The following DDHD1 variants were observed in gnomAD, a reference collection of about 807,000 sequenced individuals.
DDHD1 encodes the protein phospholipase DDHD1.
In DDHD1, 49 loss-of-function variants were observed where a neutral mutation model predicts 96.4. That is an observed-to-expected ratio of 0.51 (90% CI 0.40 to 0.64). The LOEUF is 0.64. Among genes scored for constraint, DDHD1 ranks in the 30% least tolerant of loss-of-function variants. The probability of loss-of-function intolerance (pLI) is 0.00; values close to 1 mark genes in which losing one functional copy is unlikely to be tolerated. For synonymous variants in DDHD1, 442 were observed against 446.5 expected (o/e 0.99, Z 0.13); for missense variants, 1,106 against 1,161.2 (o/e 0.95, Z 0.69).
At chr14:53,139,745 A>C (rs1267702842) in intron 1 of DDHD1, among the ~76,000 whole-genome samples, 2 of 152,026 alleles carry the variant, frequency 1.3e-5, no homozygotes, top group African/African-American at 4.8e-5. Flanking sequence ...ATTTCTAGGC[A>C]TAAATACTCT....
Position 53,038,514 on chromosome 14 carries a change from G to A in DDHD1, c.*8254C>T, listed in dbSNP as rs1361815850. The A allele has an allele frequency of 6.6e-6, 1 of 152,032 alleles. No individual in the cohort carries two copies. Among genetic ancestry groups the A allele is most frequent in the African/African-American group, 2.4e-5 (1 of 41,414 alleles). 9.4% of individuals were successfully genotyped at this position (152,032 alleles called of 1,614,324 possible). On this transcript the variant is annotated 3_prime_UTR_variant, in exon 13 of 13. Transcript: ENST00000673822. ...TACAAAACATGGCAGAAAGAAATCA[G>A]GGATGAAACCAAAAAATGGAAAAAC...
In DDHD1 at chr14:53,058,574, C is replaced by T. The variant is rs749263468; in HGVS notation, c.1895G>A (p.Arg632His). The stretch of plus-strand genomic sequence containing the variant: ...TCCAGTATTTCCTGGGCGGATGCCA[C>T]GCAACGCCAAGAAAACTGCTAATGG... ...GSPLAVFLALRGIRPGNTGSQ... is the reference protein window; with the variant it reads ...GSPLAVFLALHGIRPGNTGSQ... The change falls in exon 9 of 13, where the codon CGT (arginine) becomes CAT (histidine). Residue 632 changes from arginine to histidine, a missense_variant. Arg to His is a conservative substitution (Grantham distance 29, BLOSUM62 0). Coordinates refer to ENST00000673822, the MANE Select transcript of DDHD1 (RefSeq NM_001160148.2). 41 of 1,613,266 alleles carry T rather than the reference C, an allele frequency of 2.5e-5. No homozygotes were observed. The highest frequency in any genetic ancestry group is 3.3e-5 in the Non-Finnish European group (39 of 1,179,702).
At chr14:53,111,637 C>T (rs1483805674) in intron 1 of DDHD1, among the ~76,000 whole-genome samples, 2 of 151,732 alleles carry the variant, frequency 1.3e-5, no homozygotes, top group East Asian at 1.9e-4. Context: ...GTTTATTACC[C>T]CCCCCCAAAA....
chr14:53,145,502 CAAA>C (rs34747977), intron 1 of DDHD1, among the ~76,000 whole-genome samples: 8 of 61,682 alleles, frequency 1.3e-4, no homozygotes, highest in Admixed American at 4.0e-4. Context: ...AACCTTGTCT[CAAA>C]AAAAAAAAAA....
In DDHD1 at chr14:53,041,734, A is replaced by C. The variant is rs1881666534; in HGVS notation, c.*5034T>G. 6.6e-6 allele frequency: 1 copy of C among 152,106 alleles called. No homozygotes were observed. The highest frequency in any genetic ancestry group is 1.5e-5 in the Non-Finnish European group (1 of 68,016). 9.4% of individuals were successfully genotyped at this position (152,106 alleles called of 1,614,324 possible). A position where few individuals can be genotyped will look rare whatever the true frequency, so the allele number is the denominator to read the frequency against. On this transcript the variant is annotated 3_prime_UTR_variant, in exon 13 of 13. Transcript: ENST00000673822. Reference sequence around the variant, plus strand: ...CTGGGTATTTTGAATCTGAGGCATAAACGGAAGTCTGTCCAGACCTGATAG... The same window carrying C: ...CTGGGTATTTTGAATCTGAGGCATACACGGAAGTCTGTCCAGACCTGATAG...
At chr14:53,141,888 A>G (rs1181812992) in intron 1 of DDHD1, among the ~76,000 whole-genome samples, 5 of 152,096 alleles carry the variant, frequency 3.3e-5, no homozygotes, top group African/African-American at 9.6e-5. Flanking sequence ...AAAGCTTTCC[A>G]CCCTTCCCCC....
intron 2 of DDHD1, among the ~76,000 whole-genome samples, chr14:53,095,030 G>C (rs1280038980): frequency 6.6e-6 from 1 of 152,130 alleles, no homozygotes; most frequent in Non-Finnish European, 1.5e-5. Flanking sequence ...CTATCACAGT[G>C]TCTGGCACAT....
In DDHD1 at chr14:53,093,352, C is replaced by A. The variant is rs1187966346; in HGVS notation, c.1105G>T (p.Ala369Ser). 1 of 1,612,046 alleles carries A rather than the reference C, an allele frequency of 6.2e-7. No individual in the cohort carries two copies. Among genetic ancestry groups the A allele is most frequent in the Non-Finnish European group, 8.5e-7 (1 of 1,179,456 alleles). Residue 369 changes from alanine to serine, a missense_variant, in exon 3 of 13, where the codon GCA becomes TCA. Coordinates refer to ENST00000673822, the MANE Select transcript of DDHD1 (RefSeq NM_001160148.2). ...CCCAGTTTTTGGGTAACTGTTCTTG[C>A]AATTTTAGATGTTGTTGCATCACTA... The part of the protein sequence containing the change: ...LYSDATTSKI[A>S]RTVTQKLGFS...
At chr14:53,079,021 A>T (rs1159619959) in intron 4 of DDHD1, among the ~76,000 whole-genome samples, 1 of 152,098 alleles carries the variant, frequency 6.6e-6, no homozygotes, top group African/African-American at 2.4e-5. Flanking sequence ...TTAAAAAAAA[A>T]ATGTTGACCC....
intron 1 of DDHD1, among the ~76,000 whole-genome samples, chr14:53,118,593 A>G (rs1489132870): frequency 6.6e-6 from 1 of 152,200 alleles, no homozygotes; most frequent in Non-Finnish European, 1.5e-5. Flanking sequence ...GAAATAAAAC[A>G]AGAAGAGAAG....
intron 1 of DDHD1, among the ~76,000 whole-genome samples, chr14:53,144,603 A>G (rs1459721643): frequency 6.6e-6 from 1 of 152,232 alleles, no homozygotes; most frequent in African/African-American, 2.4e-5. Context: ...TGAAACAGAT[A>G]CCAGATGTTA....
intron 7 of DDHD1, 86 bp downstream of exon 7, chr14:53,062,857 A>T: frequency 7.3e-7 from 1 of 1,367,596 alleles, no homozygotes; most frequent in Non-Finnish European, 1.0e-6. Flanking sequence ...TTATTTCTTT[A>T]TCATGAAATT....
Position 53,093,337 on chromosome 14 carries a change from G to C in DDHD1, c.1120C>G (p.Gln374Glu). Residue 374 changes from glutamine (Q) to glutamate (E), a missense_variant, in exon 3 of 13, where the codon CAA becomes GAA. By Grantham distance (29) the Gln-to-Glu change is conservative (BLOSUM62 2). This residue lies in a region of DDHD1 where 650 missense variants were observed against 758.8 expected (regional missense o/e 0.86). Coordinates refer to ENST00000673822, the MANE Select transcript of DDHD1 (RefSeq NM_001160148.2). The part of the protein sequence containing the change: ...TTSKIARTVT[Q>E]KLGFSKASSS... ...TTACCTTTAGAAAATCCCAGTTTTTGGGTAACTGTTCTTGCAATTTTAGAT... is the reference window on the plus strand; with the variant it reads ...TTACCTTTAGAAAATCCCAGTTTTTCGGTAACTGTTCTTGCAATTTTAGAT... 2 of 1,610,290 alleles carry C rather than the reference G, an allele frequency of 1.2e-6. No homozygotes were observed. The highest frequency in any genetic ancestry group is 1.7e-6 in the Non-Finnish European group (2 of 1,178,992).
At chr14:53,089,603 G>C (rs1465780602) in intron 4 of DDHD1, among the ~76,000 whole-genome samples, 2 of 152,110 alleles carry the variant, frequency 1.3e-5, no homozygotes, top group East Asian at 3.9e-4. Flanking sequence ...GGGAAAACTG[G>C]CTAGCCATAT....
In DDHD1 at chr14:53,045,066, T is replaced by C. The variant is rs1405707098; in HGVS notation, c.*1702A>G. 6.6e-6 allele frequency: 1 copy of C among 152,160 alleles called. No individual in the cohort carries two copies. Among genetic ancestry groups the C allele is most frequent in the Non-Finnish European group, 1.5e-5 (1 of 68,032 alleles). 9.4% of individuals were successfully genotyped at this position (152,160 alleles called of 1,614,324 possible). ...TCTTTTGTGTGAGAATCCAAGAACA[T>C]AGAAATCAAGCAGGGAAACACCGGC... On this transcript the variant is annotated 3_prime_UTR_variant, in exon 13 of 13. Coordinates refer to ENST00000673822, the MANE Select transcript of DDHD1 (RefSeq NM_001160148.2).
chr14:53,149,775 T>C (rs1396230446), intron 1 of DDHD1: 1 of 152,216 alleles, frequency 6.6e-6, no homozygotes, highest in Non-Finnish European at 1.5e-5. Context: ...GAAAGGGAAG[T>C]CCACATTACC....
intron 2 of DDHD1, among the ~76,000 whole-genome samples, chr14:53,097,101 T>A (rs530443298): frequency 6.6e-6 from 1 of 152,052 alleles, no homozygotes; most frequent in African/African-American, 2.4e-5. Context: ...CACCAGTTAA[T>A]AAATTACAGG....
intron 4 of DDHD1, among the ~76,000 whole-genome samples, chr14:53,078,694 A>C (rs1477909930): frequency 6.6e-6 from 1 of 152,038 alleles, no homozygotes; most frequent in Non-Finnish European, 1.5e-5. Context: ...GATGCCTTTT[A>C]TTTCTTTTCT....
At chr14:53,065,071 AT>A (rs1252881366) in intron 6 of DDHD1, among the ~76,000 whole-genome samples, 1 of 152,202 alleles carries the variant, frequency 6.6e-6, no homozygotes, top group East Asian at 1.9e-4. Context: ...TAGGTCTACA[AT>A]ATGATCTAAT....
Sources: allele counts gnomAD v4.1 joint callset (sites outside exome capture counted in the v4.1 genomes callset), GRCh38; gene constraint gnomAD v4.1.1; regional missense constraint gnomAD v4.1.1; transcripts MANE v1.5; gene names NCBI Gene and HGNC (gene_info 2026-07-23, HGNC 2026-07-21).